RNF217: variants seen among roughly 807,000 people sequenced by gnomAD.
RNF217 encodes ring finger protein 217, also known as E3 ubiquitin-protein ligase RNF217.
RNF217 carries 31 observed loss-of-function variants against 57.8 expected under a neutral mutation model. The ratio of observed to expected loss-of-function variants is 0.54; its 90% confidence interval spans 0.40 to 0.72. RNF217 has a LOEUF of 0.72. Among genes scored for constraint, RNF217 ranks in the 30% least tolerant of loss-of-function variants. The pLI is 0.00. For synonymous variants in RNF217, 313 were observed against 294.0 expected, an observed-to-expected ratio of 1.06 and a Z score of -0.66; for missense variants, 696 against 708.3, an observed-to-expected ratio of 0.98 and a Z score of 0.20.
At chr6:125,042,371 T>C (rs1786916001) in intron 1 of RNF217, among the ~76,000 whole-genome samples, 1 of 152,032 alleles carries the variant, frequency 6.6e-6, no homozygotes, top group Non-Finnish European at 1.5e-5. Flanking sequence ...TTCAGCCCTC[T>C]ACAGGGGGAA....
intron 1 of RNF217, among the ~76,000 whole-genome samples, chr6:125,034,174 T>G (rs1786494765): frequency 6.6e-6 from 1 of 152,224 alleles, no homozygotes; most frequent in South Asian, 2.1e-4. Flanking sequence ...TAGTTTCTTT[T>G]GCTGTGCAGA....
At chr6:125,043,859 A>G (rs992970) in intron 1 of RNF217, among the ~76,000 whole-genome samples, 65,859 of 151,850 alleles carry the variant, frequency 0.43, 15,276 homozygotes, top group South Asian at 0.61. Context: ...TTATGCAACA[A>G]TTTATACTTT....
intron 1 of RNF217, among the ~76,000 whole-genome samples, chr6:124,988,037 TGAGC>T (rs1784420969): frequency 6.6e-6 from 1 of 152,114 alleles, no homozygotes; most frequent in Admixed American, 6.5e-5. Context: ...AATGCTCGGG[TGAGC>T]GAGCATTACC....
chr6:125,069,240 C>T (rs942276920), intron 3 of RNF217, among the ~76,000 whole-genome samples: 1 of 152,118 alleles, frequency 6.6e-6, no homozygotes, highest in African/African-American at 2.4e-5. Flanking sequence ...AAAAAGCTAA[C>T]ATTATAGCAA....
intron 1 of RNF217, among the ~76,000 whole-genome samples, chr6:124,978,226 C>T (rs2115006780): frequency 6.6e-6 from 1 of 152,124 alleles, no homozygotes; most frequent in South Asian, 2.1e-4. Flanking sequence ...TCCTTCTGTG[C>T]TGCTTCACCA....
intron 1 of RNF217, among the ~76,000 whole-genome samples, chr6:125,002,729 C>T (rs1785036177): frequency 6.6e-6 from 1 of 152,146 alleles, no homozygotes; most frequent in Admixed American, 6.6e-5. Context: ...GCTGGCTTAT[C>T]AAACTTCATA....
intron 1 of RNF217, among the ~76,000 whole-genome samples, chr6:124,977,038 C>A (rs898056990): frequency 2.0e-5 from 3 of 152,176 alleles, no homozygotes; most frequent in African/African-American, 7.2e-5. Flanking sequence ...TTCATACATG[C>A]TTTTCTCTTT....
chr6:125,036,036 C>T (rs1022408917), intron 1 of RNF217, among the ~76,000 whole-genome samples: 6 of 152,060 alleles, frequency 3.9e-5, no homozygotes, highest in Non-Finnish European at 7.4e-5. Context: ...CTTTAAGCCC[C>T]GCATGCGATA....
intron 1 of RNF217, among the ~76,000 whole-genome samples, chr6:124,978,640 T>C (rs1314483164): frequency 6.6e-6 from 1 of 152,038 alleles, no homozygotes; most frequent in Non-Finnish European, 1.5e-5. Context: ...GTGCTGCAGC[T>C]CCTTTATTCT....
At position 124,963,311 on chromosome 6, in the gene RNF217, T is replaced by G; in HGVS notation, c.767T>G (p.Val256Gly). 1 of 1,535,580 alleles carries G rather than the reference T, an allele frequency of 6.5e-7. No individual in the cohort carries two copies. Among genetic ancestry groups the G allele is most frequent in the Non-Finnish European group, 8.7e-7 (1 of 1,146,678 alleles). The part of the protein sequence containing the change: ...SGLGGVGDPY[V>G]PLMVLMCRVC... ...CTGGGCGGTGTAGGGGATCCCTATG[T>G]GCCCCTCATGGTGCTGATGTGCCGG... The change falls in exon 1 of 6, where the codon GTG becomes GGG. Residue 256 changes from valine (V) to glycine (G), a missense_variant. Val to Gly is a moderately radical substitution (Grantham distance 109). Transcript: ENST00000521654.
In RNF217 at chr6:125,035,368, A is replaced by G. The variant is rs1026488812; in HGVS notation, c.883-9843A>G. On this transcript the variant is annotated intron_variant, in intron 1 of 5. Transcript: ENST00000521654. ...ATAGCTCTCTCTCGGCAGAAACTCTACAAGCCAGAAGAGAGTGGGGGCCAA... is the reference window on the plus strand; with the variant it reads ...ATAGCTCTCTCTCGGCAGAAACTCTGCAAGCCAGAAGAGAGTGGGGGCCAA... 2.0e-5 allele frequency among the ~76,000 whole-genome samples: 3 copies of G among 152,158 alleles called. No homozygotes were observed. In the South Asian group the frequency reaches 6.2e-4, roughly 32 times the overall value.
At chr6:125,037,437 T>C (rs1341637219) in intron 1 of RNF217, among the ~76,000 whole-genome samples, 1 of 152,180 alleles carries the variant, frequency 6.6e-6, no homozygotes. Context: ...TTTTACTTGA[T>C]GTACTTAAAT....
chr6:124,982,785 T>C (rs978806274), intron 1 of RNF217, among the ~76,000 whole-genome samples: 2 of 152,208 alleles, frequency 1.3e-5, no homozygotes, highest in African/African-American at 4.8e-5. Flanking sequence ...TTGATACATT[T>C]ATAAAGTAAA....
chr6:125,061,739 C>T (rs1036887697), intron 3 of RNF217, among the ~76,000 whole-genome samples: 1 of 151,498 alleles, frequency 6.6e-6, no homozygotes, highest in Admixed American at 6.6e-5. Context: ...GCACATATGT[C>T]GTATGAACAC....
intron 1 of RNF217, among the ~76,000 whole-genome samples, chr6:125,013,028 A>T (rs374858047): frequency 6.6e-6 from 1 of 152,162 alleles, no homozygotes; most frequent in Admixed American, 6.6e-5. Flanking sequence ...TTCTTCTTCA[A>T]TGCCCATAAG....
chr6:124,963,032 T>TCTGCTCCGTGTA lies in RNF217; in HGVS notation c.493_504dup (p.Ser165_Cys168dup), dbSNP rs1342643372. 1 of 1,591,658 alleles carries TCTGCTCCGTGTA rather than the reference T, an allele frequency of 6.3e-7. No homozygotes were observed. Among genetic ancestry groups the TCTGCTCCGTGTA allele is most frequent in the Non-Finnish European group, 8.5e-7 (1 of 1,177,060 alleles). On this transcript the variant is annotated inframe_insertion, in exon 1 of 6. Coordinates refer to ENST00000521654, the MANE Select transcript of RNF217 (RefSeq NM_001286398.3). ...CCGTCCCTCGCCAAGAGACAAGTCT[T>TCTGCTCCGTGTA]CTGCTCCGTGTACTGCGTGGAGAGC...
chr6:125,049,498 A>G (rs1232432948), intron 2 of RNF217, among the ~76,000 whole-genome samples: 2 of 152,014 alleles, frequency 1.3e-5, no homozygotes, highest in African/African-American at 4.8e-5. Flanking sequence ...TTGAAAAGGC[A>G]GGTCAGAGCA....
In RNF217 at chr6:125,048,319, A is replaced by G; in HGVS notation, c.1116+2875A>G. 4.7e-6 allele frequency: 6 copies of G among 1,266,174 alleles called. No individual in the cohort carries two copies. The South Asian group carries it at 7.5e-5, about 16-fold the overall frequency. 78.4% of individuals were successfully genotyped at this position (1,266,174 alleles called of 1,614,324 possible). A position where few individuals can be genotyped will look rare whatever the true frequency, so the allele number is the denominator to read the frequency against. On this transcript the variant is annotated intron_variant, in intron 2 of 5. Coordinates refer to ENST00000521654, the MANE Select transcript of RNF217 (RefSeq NM_001286398.3). ...TTCAGTTTCCCTAATAAAATAAGGT[A>G]GTTCCAAATTGGTGTCATTTATGGT...
At chr6:125,036,891 T>G (rs546893) in intron 1 of RNF217, among the ~76,000 whole-genome samples, 5,727 of 148,320 alleles carry the variant, frequency 0.039, 150 homozygotes, top group South Asian at 0.082. Context: ...ATTTATTATA[T>G]TTATTATATA....
Sources: gnomAD v4.1 joint callset for allele counts (sites outside exome capture counted in the v4.1 genomes callset) on GRCh38, gnomAD v4.1.1 for gene constraint, MANE v1.5 for transcripts, NCBI Gene and HGNC (gene_info 2026-07-23, HGNC 2026-07-21) for gene names.